PACS1: variants seen among roughly 807,000 people sequenced by gnomAD.
PACS1 encodes the protein PACS-1.
In PACS1, 24 loss-of-function variants were observed where a neutral mutation model predicts 115.0. That is an observed-to-expected ratio of 0.21 (90% CI 0.15 to 0.29). The LOEUF (loss-of-function observed/expected upper bound fraction) is 0.29, where lower values mean the gene tolerates loss of function less well. Among genes scored for constraint, PACS1 ranks in the 10% least tolerant of loss-of-function variants. The pLI is 1.00. For missense variants in PACS1, 838 were observed against 1,251.2 expected, an observed-to-expected ratio of 0.67 and a Z score of 4.98; for synonymous variants, 453 against 504.5, an observed-to-expected ratio of 0.90 and a Z score of 1.37.
chr11:66,187,136 A>T (rs1854399867), intron 1 of PACS1, among the ~76,000 whole-genome samples: 1 of 152,166 alleles, frequency 6.6e-6, no homozygotes, highest in Non-Finnish European at 1.5e-5. Flanking sequence ...TGTTTCCAGT[A>T]TAGGACCATT....
chr11:66,219,883 T>A, intron 8 of PACS1, 78 bp downstream of exon 8: 1 of 1,005,706 alleles, frequency 9.9e-7, no homozygotes, highest in Non-Finnish European at 1.6e-6. Context: ...GTACACTCTG[T>A]ATTGCCACTG....
At chr11:66,092,098 T>C (rs1194403920) in intron 1 of PACS1, among the ~76,000 whole-genome samples, 2 of 152,164 alleles carry the variant, frequency 1.3e-5, no homozygotes, top group South Asian at 2.1e-4. Context: ...AATCGCCACA[T>C]TGACTTCCAC....
intron 1 of PACS1, among the ~76,000 whole-genome samples, chr11:66,183,226 A>G (rs1272756366): frequency 6.6e-6 from 1 of 152,208 alleles, no homozygotes; most frequent in Non-Finnish European, 1.5e-5. Flanking sequence ...CAGTATCTAC[A>G]TATATTTGGG....
chr11:66,196,698 A>G (rs185651092), intron 2 of PACS1, among the ~76,000 whole-genome samples: 2 of 152,236 alleles, frequency 1.3e-5, no homozygotes, highest in East Asian at 3.9e-4. Context: ...CCTGGGTTCA[A>G]GTGATTCTCC....
At chr11:66,093,775 A>G (rs1857717439) in intron 1 of PACS1, among the ~76,000 whole-genome samples, 2 of 151,550 alleles carry the variant, frequency 1.3e-5, no homozygotes, top group African/African-American at 2.4e-5. Context: ...ACCTATTCCA[A>G]AATTGACCAC....
chr11:66,161,188 T>C (rs538260286), intron 1 of PACS1, among the ~76,000 whole-genome samples: 1 of 152,228 alleles, frequency 6.6e-6, no homozygotes, highest in East Asian at 1.9e-4. Context: ...AGAGAATATA[T>C]ATATGGCACT....
chr11:66,174,733 G>A (rs1041913251), intron 1 of PACS1, among the ~76,000 whole-genome samples: 1 of 152,218 alleles, frequency 6.6e-6, no homozygotes, highest in African/African-American at 2.4e-5. Flanking sequence ...ATGGAAATAG[G>A]GATTAACTAT....
chr11:66,204,201 T>C (rs889759654), intron 2 of PACS1, among the ~76,000 whole-genome samples: 16 of 152,126 alleles, frequency 1.1e-4, no homozygotes, highest in Admixed American at 1.0e-3. Flanking sequence ...CAGGAAAATA[T>C]CTAATAATCC....
chr11:66,079,303 GTT>G lies in PACS1; in HGVS notation c.356+8478_356+8479del, dbSNP rs10692760. Among the ~76,000 whole-genome samples the G allele has an allele frequency of 2.3e-4, 25 of 110,384 alleles. No homozygotes were observed. In the East Asian group the frequency reaches 4.5e-3, roughly 20 times the overall value. 72.4% of individuals were successfully genotyped at this position (110,384 alleles called of 152,430 possible). ...GTAGGTGAGACATTCTTTGTAGCAG[GTT>G]TTTTTTTTTTTTTTTTAATAGTTTA... is the stretch of plus-strand genomic sequence containing the variant. On this transcript the variant is annotated intron_variant, in intron 1 of 23. Transcript: ENST00000320580.
rs113972076 is a variant in PACS1, at chr11:66,230,931, C to T, written c.1617C>T (p.His539=). 167 of 1,614,136 alleles carry T rather than the reference C, an allele frequency of 1.0e-4. No homozygotes were observed. In the African/African-American group the frequency reaches 1.0e-3, roughly 10 times the overall value. Residue 539 remains histidine (H), a synonymous_variant, in exon 13 of 24, where the codon CAC becomes CAT. Coordinates refer to ENST00000320580, the MANE Select transcript of PACS1 (RefSeq NM_018026.4). ...GCGAGCGCTCCCCAGATCTGGGCCA[C>T]AGCACGCAGGTACTTCTGGGTGCCC... is the stretch of plus-strand genomic sequence containing the variant. ...SDSERSPDLG[H]STQIPRKVVY...
chr11:66,237,934 A>G (rs1229614895), intron 19 of PACS1: 2 of 331,082 alleles, frequency 6.0e-6, no homozygotes, highest in Non-Finnish European at 8.6e-6. Flanking sequence ...AACCACCTGC[A>G]GGCCTGTGCG....
intron 1 of PACS1, among the ~76,000 whole-genome samples, 184 bp downstream of exon 1, chr11:66,071,026 C>G (rs2134487391): frequency 6.6e-6 from 1 of 152,216 alleles, no homozygotes; most frequent in East Asian, 1.9e-4. Context: ...CCTGGCAGCC[C>G]CACCTTCTGC....
At chr11:66,115,653 TG>T (rs1467475025) in intron 1 of PACS1, among the ~76,000 whole-genome samples, 1 of 152,254 alleles carries the variant, frequency 6.6e-6, no homozygotes, top group Non-Finnish European at 1.5e-5. Flanking sequence ...GGCTGACATT[TG>T]TCTTAGCTAC....
chr11:66,175,029 T>C (rs953380923), intron 1 of PACS1, among the ~76,000 whole-genome samples: 9 of 152,078 alleles, frequency 5.9e-5, no homozygotes, highest in African/African-American at 2.2e-4. Flanking sequence ...CAGACGCCTG[T>C]AATTCCAGCT....
rs1490301537 is a variant in PACS1 at position 66,219,781 on chromosome 11, G to C, written c.1014G>C (p.Leu338=). 1 of 1,613,798 alleles carries C rather than the reference G, an allele frequency of 6.2e-7. No homozygotes were observed. ...TCAAACAGAAGTTTGTGGCCCTCCT[G>C]AAGCGGTTTAAAGTTTCAGATGAGG... ...PNIKQKFVAL[L]KRFKVSDEVG... is the part of the protein sequence containing the mutation. Residue 338 remains leucine (L), a synonymous_variant, in exon 8 of 24, where the codon CTG becomes CTC. Transcript: ENST00000320580.
At chr11:66,199,301 C>T (rs1349123993) in intron 2 of PACS1, among the ~76,000 whole-genome samples, 2 of 141,152 alleles carry the variant, frequency 1.4e-5, no homozygotes, top group East Asian at 2.0e-4. Context: ...GGCAACAGAG[C>T]GAGACTCCAT....
At chr11:66,194,115 C>A (rs1854594587) in intron 2 of PACS1, among the ~76,000 whole-genome samples, 1 of 152,136 alleles carries the variant, frequency 6.6e-6, no homozygotes, top group South Asian at 2.1e-4. Context: ...AGGCGCCTGC[C>A]ACCACGCCCG....
chr11:66,148,353 G>C (rs140099421), intron 1 of PACS1, among the ~76,000 whole-genome samples: 1 of 151,888 alleles, frequency 6.6e-6, no homozygotes, highest in Non-Finnish European at 1.5e-5. Flanking sequence ...TGGGTGTCTC[G>C]TGAGGCTGTA....
intron 1 of PACS1, among the ~76,000 whole-genome samples, chr11:66,167,413 C>G (rs886899038): frequency 7.0e-6 from 1 of 142,752 alleles, no homozygotes; most frequent in South Asian, 2.2e-4. Context: ...ACTGCAACCT[C>G]GAACTTGAAC....
Sources: allele counts gnomAD v4.1 joint callset (sites outside exome capture counted in the v4.1 genomes callset), GRCh38; gene constraint gnomAD v4.1.1; transcripts MANE v1.5; gene names NCBI Gene and HGNC (gene_info 2026-07-23, HGNC 2026-07-21).